CFAP299: variants seen among roughly 807,000 people sequenced by gnomAD.
The protein encoded by CFAP299 is cilia and flagella associated protein 299.
Under a neutral mutation model 27.0 loss-of-function variants are expected in CFAP299, and 21 were observed. The ratio of observed to expected loss-of-function variants is 0.78; its 90% CI spans 0.55 to 1.12. The LOEUF (loss-of-function observed/expected upper bound fraction) is 1.12. CFAP299 is among the 50% of genes most tolerant of loss of function. CFAP299 has a pLI of 0.00. For synonymous variants in CFAP299, 104 were observed against 98.1 expected (o/e 1.06, Z -0.36); for missense variants, 310 against 276.6 (o/e 1.12, Z -0.86).
chr4:80,632,291 A>C (rs921013833), intron 3 of CFAP299, among the ~76,000 whole-genome samples: 44 of 88,214 alleles, frequency 5.0e-4, no homozygotes, highest in African/African-American at 1.1e-3. Flanking sequence ...AATATGCTTT[A>C]AGTTATTATT....
chr4:80,614,394 G>A (rs980892095), intron 3 of CFAP299, among the ~76,000 whole-genome samples: 17 of 152,144 alleles, frequency 1.1e-4, no homozygotes, highest in Admixed American at 9.8e-4. Context: ...CCATACTAGT[G>A]GTGAGGCACT....
chr4:80,897,403 A>G (rs908306152), intron 4 of CFAP299, among the ~76,000 whole-genome samples: 1 of 152,130 alleles, frequency 6.6e-6, no homozygotes, highest in African/African-American at 2.4e-5. Flanking sequence ...AAACACACAA[A>G]CTATTAGATG....
intron 2 of CFAP299, among the ~76,000 whole-genome samples, chr4:80,431,394 C>T (rs906565216): frequency 7.2e-6 from 1 of 139,638 alleles, no homozygotes; most frequent in Non-Finnish European, 1.6e-5. Flanking sequence ...CTTCCTCCCT[C>T]TCTTCCTTTC....
chr4:80,840,489 A>G (rs1477365580), intron 3 of CFAP299, among the ~76,000 whole-genome samples: 1 of 152,122 alleles, frequency 6.6e-6, no homozygotes, highest in Non-Finnish European at 1.5e-5. Context: ...GATAAGAAAG[A>G]TAAACACACA....
At chr4:80,357,934 T>C (rs1723353233) in intron 1 of CFAP299, among the ~76,000 whole-genome samples, 1 of 152,174 alleles carries the variant, frequency 6.6e-6, no homozygotes, top group Non-Finnish European at 1.5e-5. Context: ...AATATTAGGT[T>C]GTTAACTTTA....
intron 3 of CFAP299, among the ~76,000 whole-genome samples, chr4:80,764,075 A>G (rs1010676399): frequency 5.3e-5 from 8 of 152,222 alleles, no homozygotes; most frequent in African/African-American, 1.7e-4. Context: ...CACCAACAGT[A>G]GTTGCAACAA....
At chr4:80,886,175 G>C (rs761809120) in intron 4 of CFAP299, among the ~76,000 whole-genome samples, 1 of 152,200 alleles carries the variant, frequency 6.6e-6, no homozygotes, top group Non-Finnish European at 1.5e-5. Flanking sequence ...TTGAGTGCTA[G>C]CTTAACCACA....
rs35220988 is a variant in CFAP299 at position 80,457,375 on chromosome 4, T to G, written c.242+94491T>G. The stretch of plus-strand genomic sequence containing the variant: ...GTGGGGAAGAGAGTCAAATAGGTTA[T>G]CATGTTATGTTATGGAGGGTGAGGC... On this transcript the variant is annotated intron_variant, in intron 2 of 5. Transcript: ENST00000358105. Among the ~76,000 whole-genome samples the G allele has an allele frequency of 1.9e-4, 29 of 152,184 alleles. No individual in the cohort carries two copies. In the South Asian group the frequency reaches 6.0e-3, roughly 32 times the overall value.
At chr4:80,818,485 A>G (rs1036608226) in intron 3 of CFAP299, among the ~76,000 whole-genome samples, 1 of 151,776 alleles carries the variant, frequency 6.6e-6, no homozygotes, top group African/African-American at 2.4e-5. Flanking sequence ...CTGCTGCTCT[A>G]TATGACAATG....
chr4:80,490,536 C>T (rs1290333609), intron 2 of CFAP299, among the ~76,000 whole-genome samples: 5 of 152,084 alleles, frequency 3.3e-5, no homozygotes, highest in African/African-American at 4.8e-5. Flanking sequence ...AGAAGAGGTC[C>T]CACATTATAA....
intron 3 of CFAP299, among the ~76,000 whole-genome samples, chr4:80,810,462 G>T (rs1180323017): frequency 6.6e-6 from 1 of 151,898 alleles, no homozygotes; most frequent in African/African-American, 2.4e-5. Flanking sequence ...TAAGAATCTT[G>T]AGATGAAATT....
At chr4:80,684,156 T>C (rs1303111793) in intron 3 of CFAP299, among the ~76,000 whole-genome samples, 1 of 152,210 alleles carries the variant, frequency 6.6e-6, no homozygotes, top group Non-Finnish European at 1.5e-5. Context: ...TATACAATAA[T>C]TAATTGGGAT....
At chr4:80,592,877 A>G (rs1200503843) in intron 3 of CFAP299, among the ~76,000 whole-genome samples, 1 of 152,232 alleles carries the variant, frequency 6.6e-6, no homozygotes, top group African/African-American at 2.4e-5. Context: ...TTTGGTGTCT[A>G]TAGCACAGTT....
chr4:80,657,621 G>T (rs1740627347), intron 3 of CFAP299, among the ~76,000 whole-genome samples: 1 of 152,054 alleles, frequency 6.6e-6, no homozygotes, highest in Non-Finnish European at 1.5e-5. Flanking sequence ...TGCTGTTTTG[G>T]TTACTGTAAC....
intron 2 of CFAP299, among the ~76,000 whole-genome samples, chr4:80,485,952 A>T (rs1263542281): frequency 4.6e-5 from 7 of 152,006 alleles, no homozygotes; most frequent in Non-Finnish European, 1.0e-4. Flanking sequence ...ATTCTGTTTT[A>T]CTTTTTATTA....
intron 3 of CFAP299, among the ~76,000 whole-genome samples, chr4:80,844,249 A>T (rs1457489767): frequency 1.3e-5 from 2 of 152,160 alleles, no homozygotes; most frequent in African/African-American, 4.8e-5. Flanking sequence ...CATGATTTAT[A>T]GTCCTTTGGG....
At chr4:80,593,631 C>T (rs975702015) in intron 3 of CFAP299, among the ~76,000 whole-genome samples, 2 of 152,086 alleles carry the variant, frequency 1.3e-5, no homozygotes, top group East Asian at 1.9e-4. Context: ...GAGATTTTAT[C>T]CATCTTCTCA....
intron 3 of CFAP299, among the ~76,000 whole-genome samples, chr4:80,799,173 T>A (rs1289016043): frequency 2.5e-5 from 3 of 121,424 alleles, no homozygotes; most frequent in Non-Finnish European, 4.9e-5. Context: ...AATATTTATA[T>A]ATATTGTATA....
At chr4:80,335,951 G>T (rs1020700255) in intron 1 of CFAP299, 72 bp downstream of exon 1, 5 of 973,690 alleles carry the variant, frequency 5.1e-6, no homozygotes, top group African/African-American at 4.8e-5. Flanking sequence ...CCGCTTCGTG[G>T]GCTGGTCGCC....
Sources: allele counts gnomAD v4.1 joint callset (sites outside exome capture counted in the v4.1 genomes callset), GRCh38; gene constraint gnomAD v4.1.1; transcripts MANE v1.5; gene names NCBI Gene and HGNC (gene_info 2026-07-23, HGNC 2026-07-21).